Variants in ARHGAP35 observed in about 807,000 individuals in gnomAD.
ARHGAP35 encodes the protein rho GTPase-activating protein 35.
Under a neutral mutation model 111.1 loss-of-function variants are expected in ARHGAP35, and 15 were observed. The observed-to-expected ratio is 0.13, with a 90% CI of 0.09 to 0.21. ARHGAP35 has a LOEUF of 0.21. Among genes scored for constraint, ARHGAP35 ranks in the 10% least tolerant of loss-of-function variants. ARHGAP35 has a pLI of 1.00. For missense variants in ARHGAP35, 1,262 were observed against 1,873.0 expected (o/e 0.67, Z 6.02); for synonymous variants, 643 against 710.3 (o/e 0.91, Z 1.51).
At chr19:46,882,189 A>G (rs947178716) in intron 1 of ARHGAP35, among the ~76,000 whole-genome samples, 1 of 151,354 alleles carries the variant, frequency 6.6e-6, no homozygotes, top group Non-Finnish European at 1.5e-5. Flanking sequence ...CATGGAATGC[A>G]GTGGCATGAT....
intron 1 of ARHGAP35, among the ~76,000 whole-genome samples, chr19:46,885,102 A>G (rs1454465930): frequency 1.3e-5 from 2 of 152,186 alleles, no homozygotes; most frequent in East Asian, 1.9e-4. Flanking sequence ...AATAATCCAT[A>G]GGACATAATT....
chr19:46,872,678 A>T (rs1345530125), intron 1 of ARHGAP35, among the ~76,000 whole-genome samples: 1 of 152,066 alleles, frequency 6.6e-6, no homozygotes, highest in Non-Finnish European at 1.5e-5. Context: ...CAGGAGATCG[A>T]GACCGTCCTG....
chr19:46,919,538 A>G lies in ARHGAP35; in HGVS notation c.863A>G (p.His288Arg). ...EWLVSRIVKNHNENWLSVSRK... is the reference protein window; with the variant it reads ...EWLVSRIVKNRNENWLSVSRK... Reference sequence around the variant, plus strand: ...CTGGTGAGTCGCATTGTGAAAAACCACAATGAGAACTGGCTGAGTGTCAGC... The same window carrying G: ...CTGGTGAGTCGCATTGTGAAAAACCGCAATGAGAACTGGCTGAGTGTCAGC... The change falls in exon 2 of 7, where the codon CAC becomes CGC. Residue 288 changes from histidine to arginine, a missense_variant. His to Arg is a conservative substitution (Grantham distance 29). This residue lies in a region of ARHGAP35 where 328 missense variants were observed against 440.8 expected (regional missense o/e 0.74). Transcript: ENST00000672722. This position sits in a 1 kb window ranked among gnomAD's most constrained non-coding sequence, Gnocchi z 6.2. The G allele has an allele frequency of 1.2e-6, 2 of 1,613,988 alleles. No homozygotes were observed. The highest frequency in any genetic ancestry group is 1.7e-6 in the Non-Finnish European group (2 of 1,179,886).
chr19:46,861,425 ACCTGCCCCTG>A (rs1046936390), intron 1 of ARHGAP35, among the ~76,000 whole-genome samples: 3 of 115,160 alleles, frequency 2.6e-5, no homozygotes, highest in African/African-American at 1.0e-4. Flanking sequence ...TGCCCTTTGG[ACCTGCCCCTG>A]CCCGCCCCAG....
At chr19:46,933,339 G>T (rs1370398480) in intron 2 of ARHGAP35, among the ~76,000 whole-genome samples, 1 of 151,724 alleles carries the variant, frequency 6.6e-6, no homozygotes, top group Non-Finnish European at 1.5e-5. Flanking sequence ...TGTAGAGATG[G>T]GGTTTCACCA....
chr19:46,874,139 G>A (rs1021775371), intron 1 of ARHGAP35, among the ~76,000 whole-genome samples: 2 of 152,148 alleles, frequency 1.3e-5, no homozygotes, highest in Non-Finnish European at 2.9e-5. Context: ...AGTTTGTTAA[G>A]CAGAAGAGGG....
Position 46,921,720 on chromosome 19 carries a change from A to C in ARHGAP35, c.3045A>C (p.Glu1015Asp). 1 of 1,614,016 alleles carries C rather than the reference A, an allele frequency of 6.2e-7. No individual in the cohort carries two copies. Among genetic ancestry groups the C allele is most frequent in the Non-Finnish European group, 8.5e-7 (1 of 1,179,898 alleles). Residue 1015 changes from glutamate (E) to aspartate (D), a missense_variant, in exon 2 of 7, where the codon GAA (glutamate) becomes GAC (aspartate). By Grantham distance (45) the Glu-to-Asp change is conservative. Around this residue, in one of 8 missense-constraint regions of ARHGAP35, gnomAD observed 579 missense variants for 716.9 expected, o/e 0.81. Transcript: ENST00000672722. The surrounding 1 kb of genome is among the most constrained non-coding windows in gnomAD (Gnocchi z 4.3). ...AAGACCATTCTAAGCTCTCTATGGA[A>C]CTGGAGGGAAATGATGGGCTGTCTT... ...LSKDHSKLSM[E>D]LEGNDGLSFI...
At position 46,922,129 on chromosome 19, in the gene ARHGAP35, G is replaced by A. The variant is rs2056205737; in HGVS notation, c.3454G>A (p.Val1152Met). The A allele has an allele frequency of 2.5e-6, 4 of 1,613,894 alleles. No homozygotes were observed. Among genetic ancestry groups the A allele is most frequent in the South Asian group, 1.1e-5 (1 of 91,082 alleles). ...SLERGRKVSI[V>M]SKPVLYRTRC... is the part of the protein sequence containing the mutation. Reference sequence around the variant, plus strand: ...AGAGCGAGGGCGCAAGGTTTCCATCGTGAGCAAGCCAGTGCTGTACAGGAC... The same window carrying A: ...AGAGCGAGGGCGCAAGGTTTCCATCATGAGCAAGCCAGTGCTGTACAGGAC... Residue 1152 changes from valine to methionine, a missense_variant, in exon 2 of 7, where the codon GTG becomes ATG. Physicochemically the swap from Val to Met is conservative, Grantham distance 21. This residue lies in a region of ARHGAP35 where 579 missense variants were observed against 716.9 expected (regional missense o/e 0.81). Transcript: ENST00000672722. This position sits in a 1 kb window ranked among gnomAD's most constrained non-coding sequence, Gnocchi z 4.0.
rs1379814874 is a variant in ARHGAP35, at chr19:47,003,299, G to A, written c.*2611G>A. 2.0e-5 allele frequency: 3 copies of A among 152,358 alleles called. No homozygotes were observed. Among genetic ancestry groups the A allele is most frequent in the Non-Finnish European group, 4.4e-5 (3 of 68,160 alleles). The allele number at this position is 152,358 out of a possible 1,614,324, so 9.4% of individuals were successfully genotyped here. A position where few individuals can be genotyped will look rare whatever the true frequency, so the allele number is the denominator to read the frequency against. On this transcript the variant is annotated 3_prime_UTR_variant, in exon 7 of 7. Transcript: ENST00000672722. Reference sequence around the variant, plus strand: ...GCTTTTGTTGGGGCTCTAAGTTCTGGAAGGTGTGTGCACAGAGGGTGCTCA... The same window carrying A: ...GCTTTTGTTGGGGCTCTAAGTTCTGAAAGGTGTGTGCACAGAGGGTGCTCA...
At chr19:46,978,674 T>C (rs1303838245) in intron 3 of ARHGAP35, among the ~76,000 whole-genome samples, 5 of 103,940 alleles carry the variant, frequency 4.8e-5, no homozygotes, top group South Asian at 3.6e-4. Flanking sequence ...TGTGGTGGGG[T>C]TTGTGTGGTG....
chr19:46,975,031 C>T (rs779816775), intron 3 of ARHGAP35, among the ~76,000 whole-genome samples: 5 of 152,080 alleles, frequency 3.3e-5, no homozygotes, highest in Non-Finnish European at 5.9e-5. Context: ...CCACCACACC[C>T]GGGTAATTTT....
At chr19:46,875,208 A>G (rs112051641) in intron 1 of ARHGAP35, among the ~76,000 whole-genome samples, 7 of 152,122 alleles carry the variant, frequency 4.6e-5, no homozygotes, top group African/African-American at 1.7e-4. Flanking sequence ...TATCTATTAA[A>G]TATTTATTTA....
intron 3 of ARHGAP35, among the ~76,000 whole-genome samples, chr19:46,952,556 C>G (rs1178986660): frequency 6.6e-6 from 1 of 152,226 alleles, no homozygotes; most frequent in Non-Finnish European, 1.5e-5. Flanking sequence ...AAAATCCCAG[C>G]TCTGCCACTT....
intron 3 of ARHGAP35, chr19:46,947,866 A>G (rs1163934678): frequency 6.6e-6 from 1 of 152,222 alleles, no homozygotes; most frequent in African/African-American, 2.4e-5. Context: ...TTAGGGAAAC[A>G]CTTGCTTATA....
chr19:46,978,474 T>G (rs944674310), intron 3 of ARHGAP35, among the ~76,000 whole-genome samples: 15 of 150,212 alleles, frequency 1.0e-4, no homozygotes, highest in Admixed American at 2.0e-4. Flanking sequence ...GGTCTGTGTG[T>G]GGGGGGTAGG....
intron 3 of ARHGAP35, among the ~76,000 whole-genome samples, chr19:46,972,673 T>G (rs890431689): frequency 1.3e-5 from 2 of 152,114 alleles, no homozygotes; most frequent in African/African-American, 4.8e-5. Context: ...TTAAAAGAGA[T>G]AATATGTACC....
intron 1 of ARHGAP35, among the ~76,000 whole-genome samples, chr19:46,916,968 TC>T (rs1191362027): frequency 2.6e-5 from 4 of 152,190 alleles, no homozygotes; most frequent in Non-Finnish European, 5.9e-5. Context: ...CTTTTTTTTT[TC>T]AATCTTTTTT....
intron 1 of ARHGAP35, among the ~76,000 whole-genome samples, chr19:46,906,651 C>T (rs752205091): frequency 3.9e-5 from 6 of 152,232 alleles, no homozygotes; most frequent in Non-Finnish European, 8.8e-5. Flanking sequence ...TGGTTCCATT[C>T]GTTCTGTTTC....
At chr19:46,985,570 C>T (rs1488807958) in intron 3 of ARHGAP35, among the ~76,000 whole-genome samples, 1 of 152,286 alleles carries the variant, frequency 6.6e-6, no homozygotes, top group South Asian at 2.1e-4. Context: ...CTCTACCTAC[C>T]CAATAGCTCT....
Sources: allele counts gnomAD v4.1 joint callset (sites outside exome capture counted in the v4.1 genomes callset), GRCh38; gene constraint gnomAD v4.1.1; regional missense constraint gnomAD v4.1.1; non-coding constraint Gnocchi (gnomAD v3.1); transcripts MANE v1.5; gene names NCBI Gene and HGNC (gene_info 2026-07-23, HGNC 2026-07-21).